Variants in PDE1C observed in about 807,000 individuals in gnomAD.
The protein encoded by PDE1C is dual specificity calcium/calmodulin-dependent 3',5'-cyclic nucleotide phosphodiesterase 1C.
PDE1C carries 62 observed loss-of-function variants against 93.1 expected under a neutral mutation model. The observed-to-expected ratio is 0.67, with a 90% CI of 0.54 to 0.82. The LOEUF (loss-of-function observed/expected upper bound fraction) is 0.82. PDE1C is among the 40% of genes least tolerant of loss of function. The pLI, the probability that PDE1C is intolerant of heterozygous loss-of-function variation, is 0.00. For synonymous variants in PDE1C, 325 were observed against 310.1 expected, an observed-to-expected ratio of 1.05 and a Z score of -0.50; for missense variants, 742 against 884.6, an observed-to-expected ratio of 0.84 and a Z score of 2.04.
At chr7:31,935,688 G>T (rs1039321746) in intron 2 of PDE1C, among the ~76,000 whole-genome samples, 1 of 152,058 alleles carries the variant, frequency 6.6e-6, no homozygotes, top group Non-Finnish European at 1.5e-5. Flanking sequence ...TCCGGTCAGC[G>T]TAACTAACAT....
chr7:32,080,244 A>G (rs1483754927), intron 3 of PDE1C, among the ~76,000 whole-genome samples: 1 of 152,140 alleles, frequency 6.6e-6, no homozygotes, highest in African/African-American at 2.4e-5. Context: ...GTAGTCTTCT[A>G]GAGGGCAGAG....
intron 1 of PDE1C, among the ~76,000 whole-genome samples, chr7:32,363,833 A>T (rs1227991933): frequency 2.0e-5 from 3 of 152,262 alleles, no homozygotes; most frequent in Non-Finnish European, 4.4e-5. Flanking sequence ...TCTTGAAATT[A>T]ACAATACCTG....
intron 2 of PDE1C, among the ~76,000 whole-genome samples, chr7:32,186,962 T>C (rs933702627): frequency 2.0e-5 from 3 of 152,230 alleles, no homozygotes; most frequent in Non-Finnish European, 4.4e-5. Context: ...CCTTGAATTC[T>C]GCTTTTTAGA....
At chr7:32,415,964 G>A (rs1327656001) in intron 1 of PDE1C, among the ~76,000 whole-genome samples, 1 of 152,210 alleles carries the variant, frequency 6.6e-6, no homozygotes, top group Non-Finnish European at 1.5e-5. Context: ...GGGAGTGGCG[G>A]TGTGACCAGG....
chr7:32,210,607 T>A (rs1304101494), intron 1 of PDE1C, among the ~76,000 whole-genome samples: 1 of 152,124 alleles, frequency 6.6e-6, no homozygotes, highest in Non-Finnish European at 1.5e-5. Flanking sequence ...ATTTGAGCAA[T>A]TTTTTAAAAA....
chr7:31,972,460 C>G (rs548395638), intron 2 of PDE1C, among the ~76,000 whole-genome samples: 1 of 152,086 alleles, frequency 6.6e-6, no homozygotes, highest in African/African-American at 2.4e-5. Flanking sequence ...AGTCTCTAAG[C>G]AAGAGCCAAA....
chr7:32,014,592 A>G (rs1787622377), intron 2 of PDE1C, among the ~76,000 whole-genome samples: 1 of 152,088 alleles, frequency 6.6e-6, no homozygotes, highest in Admixed American at 6.6e-5. Flanking sequence ...CGCATGCATT[A>G]GGGGCTCTCC....
chr7:31,619,718 C>T, the PDE1C span, among the ~76,000 whole-genome samples: 1 of 152,194 alleles, frequency 6.6e-6, no homozygotes, highest in East Asian at 2.0e-4. Context: ...ATCTGAGGTA[C>T]CAGTTCCATC....
chr7:32,335,592 A>G (rs1783603130), intron 1 of PDE1C, among the ~76,000 whole-genome samples: 2 of 152,238 alleles, frequency 1.3e-5, no homozygotes, highest in Admixed American at 1.3e-4. Flanking sequence ...ATATTTTTAC[A>G]TGATTTTCCT....
At chr7:31,643,761 C>A in the PDE1C span, 1 of 1,614,050 alleles carries the variant, frequency 6.2e-7, no homozygotes, top group South Asian at 1.1e-5. Flanking sequence ...CAATGGGCAC[C>A]TGCCATGCTA....
At chr7:32,241,385 AG>A (rs1440961414) in intron 1 of PDE1C, among the ~76,000 whole-genome samples, 2 of 152,164 alleles carry the variant, frequency 1.3e-5, no homozygotes, top group African/African-American at 4.8e-5. Flanking sequence ...TTTAAGAAGG[AG>A]GGAGTGGCCA....
At chr7:32,361,174 A>G (rs1224604607) in intron 1 of PDE1C, among the ~76,000 whole-genome samples, 1 of 152,166 alleles carries the variant, frequency 6.6e-6, no homozygotes, top group Non-Finnish European at 1.5e-5. Flanking sequence ...GGTGAAGCCA[A>G]CTGCGCAGGT....
Position 32,393,574 on chromosome 7 carries a change from T to C in PDE1C, c.310+34248A>G, listed in dbSNP as rs891321418. On this transcript the variant is annotated intron_variant, in intron 1 of 1. Transcript: ENST00000672256. ...AATTCAATTGTTAATTATTGTCATT[T>C]TCCTAGGATGGATCAGTCATCCTAT... is the stretch of plus-strand genomic sequence containing the variant. Among the ~76,000 whole-genome samples the C allele has an allele frequency of 4.6e-5, 7 of 152,234 alleles. No individual in the cohort carries two copies. The East Asian group carries it at 1.3e-3, about 29-fold the overall frequency.
intron 1 of PDE1C, among the ~76,000 whole-genome samples, chr7:32,314,472 C>T (rs1232418701): frequency 2.0e-5 from 3 of 152,084 alleles, no homozygotes; most frequent in Non-Finnish European, 2.9e-5. Context: ...ACTTGCACAG[C>T]GATAAGTCCC....
At chr7:31,850,349 G>T (rs1269380862) in intron 8 of PDE1C, among the ~76,000 whole-genome samples, 1 of 152,078 alleles carries the variant, frequency 6.6e-6, no homozygotes, top group Non-Finnish European at 1.5e-5. Flanking sequence ...CCTGTTAGAA[G>T]TAGGTCAAGT....
intron 17 of PDE1C, among the ~76,000 whole-genome samples, chr7:31,769,943 T>C (rs939896148): frequency 1.5e-4 from 23 of 152,246 alleles, no homozygotes; most frequent in African/African-American, 5.5e-4. Context: ...GAGTACTTCA[T>C]TTAAGTCACT....
chr7:32,190,746 G>C (rs930119197), intron 2 of PDE1C, among the ~76,000 whole-genome samples: 23 of 152,110 alleles, frequency 1.5e-4, no homozygotes, highest in African/African-American at 5.6e-4. Flanking sequence ...CTAGTGGGGA[G>C]ACAGCCATTA....
chr7:31,958,318 T>A (rs1470750650), intron 2 of PDE1C, among the ~76,000 whole-genome samples: 5 of 152,238 alleles, frequency 3.3e-5, no homozygotes, highest in Non-Finnish European at 7.3e-5. Context: ...TCTGCCTTTA[T>A]AAACACTTGC....
chr7:31,744,819 A>C, the PDE1C span, among the ~76,000 whole-genome samples: 72 of 152,282 alleles, frequency 4.7e-4, 2 homozygotes, highest in East Asian at 0.013. Flanking sequence ...AATTCGGGAA[A>C]CTGCAGTACT....
Sources: gnomAD v4.1 joint callset for allele counts (sites outside exome capture counted in the v4.1 genomes callset) on GRCh38, gnomAD v4.1.1 for gene constraint, MANE v1.5 for transcripts, NCBI Gene and HGNC (gene_info 2026-07-23, HGNC 2026-07-21) for gene names.